The following MACROD2 variants were observed in gnomAD, a reference collection of about 807,000 sequenced individuals.
MACROD2 encodes mono-ADP ribosylhydrolase 2, also known as ADP-ribose glycohydrolase MACROD2.
A neutral mutation model predicts 70.4 loss-of-function variants in MACROD2; 36 were observed. The observed-to-expected ratio is 0.51, with a 90% CI of 0.39 to 0.68. MACROD2 has a LOEUF of 0.68. Among genes scored for constraint, MACROD2 ranks in the 30% least tolerant of loss-of-function variants. The pLI, the probability that MACROD2 is intolerant of heterozygous loss-of-function variation, is 0.00. For synonymous variants in MACROD2, 172 were observed against 178.8 expected (o/e 0.96, Z 0.30); for missense variants, 496 against 538.4 (o/e 0.92, Z 0.78).
chr20:15,128,403 T>C (rs1173402404), intron 5 of MACROD2, among the ~76,000 whole-genome samples: 1 of 152,090 alleles, frequency 6.6e-6, no homozygotes, highest in Non-Finnish European at 1.5e-5. Context: ...AAACTTGTAA[T>C]ATTTTCATTA....
At chr20:15,665,282 G>A (rs937022921) in intron 8 of MACROD2, among the ~76,000 whole-genome samples, 1 of 152,150 alleles carries the variant, frequency 6.6e-6, no homozygotes, top group Non-Finnish European at 1.5e-5. Flanking sequence ...ACTTTCATTT[G>A]TTTTAAAAGC....
At chr20:15,494,318 C>T (rs958208781) in intron 7 of MACROD2, among the ~76,000 whole-genome samples, 3 of 152,020 alleles carry the variant, frequency 2.0e-5, no homozygotes, top group Non-Finnish European at 4.4e-5. Context: ...GCAGCCCTTC[C>T]TCCTGGATAT....
chr20:15,588,405 G>A (rs975711335), intron 8 of MACROD2, among the ~76,000 whole-genome samples: 5 of 152,232 alleles, frequency 3.3e-5, no homozygotes, highest in South Asian at 2.1e-4. Flanking sequence ...TTTTCCTCAC[G>A]GTCTTAGGGA....
At chr20:14,514,538 T>C (rs2085069137) in intron 4 of MACROD2, among the ~76,000 whole-genome samples, 1 of 152,124 alleles carries the variant, frequency 6.6e-6, no homozygotes, top group African/African-American at 2.4e-5. Context: ...AACAATTACG[T>C]TAGACTACTG....
At chr20:15,216,207 G>C (rs2076808576) in intron 5 of MACROD2, among the ~76,000 whole-genome samples, 1 of 152,064 alleles carries the variant, frequency 6.6e-6, no homozygotes, top group Non-Finnish European at 1.5e-5. Flanking sequence ...TAATTGGATT[G>C]TTTATAACAC....
chr20:15,797,065 A>G (rs755566573), intron 8 of MACROD2, among the ~76,000 whole-genome samples: 4 of 151,902 alleles, frequency 2.6e-5, no homozygotes, highest in Non-Finnish European at 4.4e-5. Flanking sequence ...TGTTTCTGTC[A>G]TTTTCTTCTA....
intron 7 of MACROD2, among the ~76,000 whole-genome samples, chr20:15,473,565 T>C (rs1188273079): frequency 6.6e-6 from 1 of 152,182 alleles, no homozygotes; most frequent in African/African-American, 2.4e-5. Context: ...TTTCAACTGT[T>C]TGTAGTGAGG....
At chr20:14,870,497 T>C (rs2073475515) in intron 5 of MACROD2, among the ~76,000 whole-genome samples, 1 of 152,152 alleles carries the variant, frequency 6.6e-6, no homozygotes, top group Non-Finnish European at 1.5e-5. Context: ...TTTCTGTCTT[T>C]AAGTCTTCGA....
intron 4 of MACROD2, among the ~76,000 whole-genome samples, chr20:14,657,540 G>T (rs925325289): frequency 6.6e-6 from 1 of 152,148 alleles, no homozygotes; most frequent in Non-Finnish European, 1.5e-5. Flanking sequence ...TTACTAGGGG[G>T]TTTCTTTGTC....
intron 5 of MACROD2, among the ~76,000 whole-genome samples, chr20:15,058,646 A>G (rs901436125): frequency 6.6e-6 from 1 of 152,198 alleles, no homozygotes; most frequent in East Asian, 1.9e-4. Flanking sequence ...TAATTATGCT[A>G]TGCTCTACTA....
chr20:14,018,343 G>C (rs1381730637), intron 2 of MACROD2, among the ~76,000 whole-genome samples: 3 of 150,614 alleles, frequency 2.0e-5, no homozygotes, highest in African/African-American at 7.3e-5. Flanking sequence ...TTGTTCTTAA[G>C]TTCCTTAGGT....
At chr20:15,312,480 T>C (rs1443708727) in intron 6 of MACROD2, among the ~76,000 whole-genome samples, 4 of 152,188 alleles carry the variant, frequency 2.6e-5, no homozygotes, top group Non-Finnish European at 5.9e-5. Context: ...TGAAGCTTTG[T>C]GATAGGCACA....
intron 3 of MACROD2, among the ~76,000 whole-genome samples, chr20:14,228,788 T>C (rs1170685277): frequency 6.6e-6 from 1 of 152,038 alleles, no homozygotes; most frequent in Non-Finnish European, 1.5e-5. Flanking sequence ...GGTGGTTTAC[T>C]TGAGGCCAGG....
chr20:16,023,149 G>A (rs2067026524), intron 15 of MACROD2, among the ~76,000 whole-genome samples: 1 of 151,966 alleles, frequency 6.6e-6, no homozygotes, highest in Non-Finnish European at 1.5e-5. Flanking sequence ...ACAACAAAGA[G>A]CACTACCCTC....
rs543062627 is a variant in MACROD2 at position 15,301,639 on chromosome 20, C to T, written c.540+71578C>T. ...TGTAGAGACAAGAGTATTGAAGTGCCCAGGCTGTTCTTGAACATCTGGCCT... is the reference window on the plus strand; with the variant it reads ...TGTAGAGACAAGAGTATTGAAGTGCTCAGGCTGTTCTTGAACATCTGGCCT... On this transcript the variant is annotated intron_variant, in intron 6 of 17. Transcript: ENST00000684519. 5.0e-4 allele frequency among the ~76,000 whole-genome samples: 64 copies of T among 128,614 alleles called. 2 individuals are homozygous for T. In the South Asian group the frequency reaches 0.015, roughly 31 times the overall value. 84.4% of individuals were successfully genotyped at this position (128,614 alleles called of 152,430 possible).
At chr20:13,997,206 A>G (rs2052674509) in intron 1 of MACROD2, among the ~76,000 whole-genome samples, 1 of 152,222 alleles carries the variant, frequency 6.6e-6, no homozygotes, top group South Asian at 2.1e-4. Flanking sequence ...ATGGGTTTAT[A>G]GAGAGCTAAC....
At chr20:14,675,517 C>A (rs1038907477) in intron 4 of MACROD2, among the ~76,000 whole-genome samples, 1 of 152,108 alleles carries the variant, frequency 6.6e-6, no homozygotes, top group African/African-American at 2.4e-5. Context: ...GAGATTTTGT[C>A]ACCACCAGGC....
intron 4 of MACROD2, among the ~76,000 whole-genome samples, chr20:14,545,411 C>T (rs1391835263): frequency 2.0e-5 from 3 of 152,120 alleles, no homozygotes; most frequent in East Asian, 3.9e-4. Context: ...TTACAGCCTA[C>T]AGGATCAGAT....
At position 15,528,092 on chromosome 20, in the gene MACROD2, A is replaced by T. The variant is rs148558171; in HGVS notation, c.645+28245A>T. On this transcript the variant is annotated intron_variant, in intron 8 of 17. Coordinates refer to ENST00000684519, the MANE Select transcript of MACROD2 (RefSeq NM_001351661.2). The stretch of plus-strand genomic sequence containing the variant: ...GACTAATATAGAGCAATGTTTCTCA[A>T]CCTGGGGCAACTTAGCCCTCCAGGG... Among the ~76,000 whole-genome samples, 210 of 152,244 alleles carry T rather than the reference A, an allele frequency of 1.4e-3. 1 individual carries two copies. Among genetic ancestry groups the T allele is most frequent in the Non-Finnish European group, 2.2e-3 (150 of 68,024 alleles).
Sources: gnomAD v4.1 joint callset for allele counts (sites outside exome capture counted in the v4.1 genomes callset) on GRCh38, gnomAD v4.1.1 for gene constraint, MANE v1.5 for transcripts, NCBI Gene and HGNC (gene_info 2026-07-23, HGNC 2026-07-21) for gene names.